The following TNR variants were observed in gnomAD, a reference collection of about 807,000 sequenced individuals.
The protein encoded by TNR is tenascin R.
TNR carries 45 observed loss-of-function variants against 150.4 expected under a neutral mutation model. That is an observed-to-expected ratio of 0.30 (90% confidence interval 0.24 to 0.38). The LOEUF is 0.38. TNR is among the 10% of genes least tolerant of loss of function. The probability of loss-of-function intolerance (pLI) is 1.00; values close to 1 mark genes in which losing one functional copy is unlikely to be tolerated. For synonymous variants in TNR, 687 were observed against 678.4 expected, an observed-to-expected ratio of 1.01 and a Z score of -0.20; for missense variants, 1,544 against 1,759.1, an observed-to-expected ratio of 0.88 and a Z score of 2.19.
At position 175,364,964 on chromosome 1, in the gene TNR, T is replaced by A. The variant is rs781303579; in HGVS notation, c.2587+46A>T. On this transcript the variant is annotated intron_variant, in intron 12 of 22. Coordinates refer to ENST00000367674, the MANE Select transcript of TNR (RefSeq NM_003285.3). ...ATTTCATTGATTTGTCAAAGGCTACTGTGAAAACCCCTTTCATCACCTGCT... is the reference window on the plus strand; with the variant it reads ...ATTTCATTGATTTGTCAAAGGCTACAGTGAAAACCCCTTTCATCACCTGCT... The A allele has an allele frequency of 1.9e-6, 3 of 1,551,426 alleles. No homozygotes were observed. In the South Asian group the frequency reaches 3.6e-5, roughly 19 times the overall value.
intron 1 of TNR, among the ~76,000 whole-genome samples, chr1:175,737,884 A>G (rs1350330076): frequency 6.6e-6 from 1 of 152,122 alleles, no homozygotes; most frequent in African/African-American, 2.4e-5. Flanking sequence ...TCCTTCCCCC[A>G]TTATGAAGTT....
chr1:175,373,532 A>C (rs1236750713), intron 9 of TNR, among the ~76,000 whole-genome samples: 1 of 152,192 alleles, frequency 6.6e-6, no homozygotes, highest in African/African-American at 2.4e-5. Flanking sequence ...ATGATGTTCA[A>C]GTTTCAAGAG....
intron 1 of TNR, among the ~76,000 whole-genome samples, chr1:175,568,337 T>C (rs1661724072): frequency 6.6e-6 from 1 of 152,202 alleles, no homozygotes; most frequent in South Asian, 2.1e-4. Flanking sequence ...TGTTGATAGC[T>C]AGTTTCTACC....
intron 2 of TNR, among the ~76,000 whole-genome samples, chr1:175,413,161 G>T (rs1654288994): frequency 6.6e-6 from 1 of 152,202 alleles, no homozygotes; most frequent in African/African-American, 2.4e-5. Flanking sequence ...AAGTAGCTGG[G>T]ATTATAGGCG....
In TNR at chr1:175,441,363, T is replaced by G. The variant is rs532512487; in HGVS notation, c.-63-34586A>C. On this transcript the variant is annotated intron_variant, in intron 2 of 22. Transcript: ENST00000367674. Reference sequence around the variant, plus strand: ...ATGATAGAAAACAACATGTTTTGACTAAAAATATAATAGATGAGTGCTTTC... The same window carrying G: ...ATGATAGAAAACAACATGTTTTGACGAAAAATATAATAGATGAGTGCTTTC... Among the ~76,000 whole-genome samples the G allele has an allele frequency of 2.7e-4, 41 of 152,334 alleles. 1 individual carries two copies. In the South Asian group the frequency reaches 8.3e-3, roughly 31 times the overall value.
chr1:175,705,910 C>T (rs771392303), intron 1 of TNR, among the ~76,000 whole-genome samples: 1 of 152,154 alleles, frequency 6.6e-6, no homozygotes, highest in Non-Finnish European at 1.5e-5. Flanking sequence ...TGTATTACTT[C>T]AAGGAAGTTC....
intron 20 of TNR, among the ~76,000 whole-genome samples, chr1:175,331,155 CTT>C (rs60231011): frequency 7.5e-5 from 7 of 93,280 alleles, no homozygotes; most frequent in African/African-American, 2.3e-4. Context: ...TCCTTTCTTT[CTT>C]TTTCTTTCCT....
At chr1:175,554,597 A>G (rs1339793462) in intron 1 of TNR, among the ~76,000 whole-genome samples, 1 of 152,206 alleles carries the variant, frequency 6.6e-6, no homozygotes, top group Non-Finnish European at 1.5e-5. Context: ...TGTGTTTGCC[A>G]AGAGCTGGCT....
At chr1:175,375,478 G>C (rs74768245) in intron 9 of TNR, among the ~76,000 whole-genome samples, 3 of 151,692 alleles carry the variant, frequency 2.0e-5, no homozygotes, top group South Asian at 2.1e-4. Flanking sequence ...GAGAATAATG[G>C]GGGGGGAGTG....
At chr1:175,437,180 T>A (rs1361439779) in intron 2 of TNR, among the ~76,000 whole-genome samples, 3 of 152,214 alleles carry the variant, frequency 2.0e-5, no homozygotes. Flanking sequence ...AAACTGTCTC[T>A]CAGACCACAG....
intron 2 of TNR, among the ~76,000 whole-genome samples, chr1:175,517,056 AG>A (rs1659442392): frequency 1.5e-3 from 177 of 118,728 alleles, no homozygotes; most frequent in African/African-American, 5.2e-3. Context: ...AGAGAGAGAG[AG>A]AAAGAGAGAG....
At chr1:175,343,416 C>T (rs2101996686) in intron 18 of TNR, among the ~76,000 whole-genome samples, 1 of 152,318 alleles carries the variant, frequency 6.6e-6, no homozygotes, top group South Asian at 2.1e-4. Context: ...GGTAAAGAGA[C>T]ACCTGTTCTG....
intron 21 of TNR, among the ~76,000 whole-genome samples, chr1:175,326,242 C>G (rs1474836660): frequency 1.3e-5 from 2 of 152,104 alleles, no homozygotes; most frequent in Non-Finnish European, 1.5e-5. Flanking sequence ...GTTTATAAAA[C>G]TTTTAGCAGG....
chr1:175,406,883 A>AG (rs60974501), intron 2 of TNR, 106 bp from the exon 3 acceptor site: 15,788 of 726,378 alleles, frequency 0.022, 205 homozygotes, highest in Non-Finnish European at 0.028. Flanking sequence ...GAGATTTTCA[A>AG]GGGGGGGGCG....
At chr1:175,545,118 T>C (rs1012726841) in intron 1 of TNR, among the ~76,000 whole-genome samples, 7 of 152,198 alleles carry the variant, frequency 4.6e-5, no homozygotes, top group Non-Finnish European at 2.9e-5. Flanking sequence ...TGGGGATTAT[T>C]ACTTGAATGT....
chr1:175,641,713 A>T (rs1664666895), intron 1 of TNR, among the ~76,000 whole-genome samples: 1 of 152,222 alleles, frequency 6.6e-6, no homozygotes, highest in African/African-American at 2.4e-5. Flanking sequence ...TTTGTTCATA[A>T]AGTCAAGTTA....
At chr1:175,363,565 C>CCAG in intron 13 of TNR, 143 bp downstream of exon 13, 1 of 1,119,968 alleles carries the variant, frequency 8.9e-7, no homozygotes, top group East Asian at 2.6e-5. Flanking sequence ...TGGCTGCTCA[C>CCAG]CAGCCCACTC....
In TNR at chr1:175,647,225, TC is replaced by T. The variant is rs1260545094; in HGVS notation, c.-165+96000del. On this transcript the variant is annotated intron_variant, in intron 1 of 22. Transcript: ENST00000367674. ...TTGGCATATGCAAAAAAAAGGAGCA[TC>T]GTGTTTTCTTGAAAGCTCTTTCTAA... Among the ~76,000 whole-genome samples the T allele has an allele frequency of 2.6e-5, 4 of 152,286 alleles. No individual in the cohort carries two copies. The East Asian group carries it at 7.7e-4, about 29-fold the overall frequency.
chr1:175,393,752 G>T, intron 6 of TNR, 28 bp downstream of exon 6: 1 of 1,538,690 alleles, frequency 6.5e-7, no homozygotes, highest in Non-Finnish European at 9.0e-7. Context: ...AAATAAGTCT[G>T]TTTGGCAGTG....
Sources: allele counts gnomAD v4.1 joint callset (sites outside exome capture counted in the v4.1 genomes callset), GRCh38; gene constraint gnomAD v4.1.1; transcripts MANE v1.5; gene names NCBI Gene and HGNC (gene_info 2026-07-23, HGNC 2026-07-21).